MCC: variants seen among roughly 807,000 people sequenced by gnomAD.
The protein encoded by MCC is colorectal mutant cancer protein.
Under a neutral mutation model 116.2 loss-of-function variants are expected in MCC, and 90 were observed. The observed-to-expected ratio is 0.77, with a 90% CI of 0.65 to 0.92. The LOEUF (loss-of-function observed/expected upper bound fraction) is 0.92, where lower values mean the gene tolerates loss of function less well. Ranked by LOEUF, MCC falls within the 40% of genes least tolerant of loss-of-function variation. The pLI is 0.00. For missense variants in MCC, 1,516 were observed against 1,312.2 expected, an observed-to-expected ratio of 1.16 and a Z score of -2.40; for synonymous variants, 578 against 510.5, an observed-to-expected ratio of 1.13 and a Z score of -1.78.
At chr5:113,232,765 T>G (rs1296435550) in intron 3 of MCC, among the ~76,000 whole-genome samples, 1 of 152,164 alleles carries the variant, frequency 6.6e-6, no homozygotes, top group African/African-American at 2.4e-5. Context: ...TACGGATCTT[T>G]AGAAAAACCC....
At chr5:113,079,975 AT>A (rs1561788981) in intron 11 of MCC, among the ~76,000 whole-genome samples, 1 of 152,238 alleles carries the variant, frequency 6.6e-6, no homozygotes, top group African/African-American at 2.4e-5. Context: ...AAACAACCCC[AT>A]CAAAAAGTGG....
chr5:113,258,084 T>C (rs755657797), intron 3 of MCC, among the ~76,000 whole-genome samples: 9 of 152,088 alleles, frequency 5.9e-5, no homozygotes, highest in Non-Finnish European at 1.3e-4. Context: ...CAAATAAACA[T>C]TGTGAATGAG....
At chr5:113,311,027 GA>G (rs1767123720) in intron 3 of MCC, among the ~76,000 whole-genome samples, 2 of 152,364 alleles carry the variant, frequency 1.3e-5, no homozygotes, top group African/African-American at 4.8e-5. Context: ...TACTTTGAGA[GA>G]CAGAGAAGTG....
At chr5:113,202,064 C>A (rs1356780461) in intron 3 of MCC, among the ~76,000 whole-genome samples, 2 of 152,196 alleles carry the variant, frequency 1.3e-5, no homozygotes, top group Non-Finnish European at 2.9e-5. Context: ...CACAGGCTTT[C>A]CTCCTTCCCT....
intron 3 of MCC, among the ~76,000 whole-genome samples, chr5:113,214,091 G>T (rs1406404048): frequency 6.6e-6 from 1 of 152,014 alleles, no homozygotes; most frequent in African/African-American, 2.4e-5. Context: ...CCATATTCCG[G>T]ACTTAAAATA....
chr5:113,120,643 TAGG>T (rs1021144993), intron 6 of MCC, among the ~76,000 whole-genome samples: 6 of 152,206 alleles, frequency 3.9e-5, no homozygotes, highest in African/African-American at 1.4e-4. Context: ...GAAGATATAC[TAGG>T]AGATGAAACA....
Position 113,112,563 on chromosome 5 carries a change from T to A in MCC, c.1028-8208A>T, listed in dbSNP as rs149482047. ...CTGTGAATCAATTAAACCTCTTTTT[T>A]AAATAAATTACCCAATCTCAGGTAG... is the stretch of plus-strand genomic sequence containing the variant. On this transcript the variant is annotated intron_variant, in intron 6 of 18. Coordinates refer to ENST00000408903, the MANE Select transcript of MCC (RefSeq NM_001085377.2). Among the ~76,000 whole-genome samples, 931 of 152,352 alleles carry A rather than the reference T, an allele frequency of 6.1e-3. 14 individuals carry two copies. The highest frequency in any genetic ancestry group is 0.022 in the African/African-American group (901 of 41,584).
At chr5:113,322,279 C>G (rs1767439621) in intron 3 of MCC, among the ~76,000 whole-genome samples, 1 of 152,148 alleles carries the variant, frequency 6.6e-6, no homozygotes, top group Admixed American at 6.5e-5. Flanking sequence ...AAATATGTAA[C>G]CATTGCAGTT....
chr5:113,173,765 T>C (rs1258425275), intron 3 of MCC, among the ~76,000 whole-genome samples: 3 of 152,346 alleles, frequency 2.0e-5, no homozygotes, highest in Middle Eastern at 3.4e-3. Context: ...CTAGAATGAA[T>C]GAAATCAAAG....
At position 113,043,678 on chromosome 5, in the gene MCC, G is replaced by C. The variant is rs373530276; in HGVS notation, c.2656-48C>G. ...AGTTAGGCCTGAATCCAAGCCGGCA[G>C]CACCCTGGAAGCCTGCAGCAGAGCG... On this transcript the variant is annotated intron_variant, in intron 16 of 18. Transcript: ENST00000408903. The C allele has an allele frequency of 2.8e-6, 4 of 1,420,270 alleles. No individual in the cohort carries two copies. In the African/African-American group the frequency reaches 5.6e-5, roughly 20 times the overall value. The allele number at this position is 1,420,270 out of a possible 1,614,324, so 88.0% of individuals were successfully genotyped here.
intron 1 of MCC, among the ~76,000 whole-genome samples, chr5:113,459,851 C>CACAT (rs1437926990): frequency 6.6e-6 from 1 of 151,916 alleles, no homozygotes; most frequent in Non-Finnish European, 1.5e-5. Flanking sequence ...CACACACACA[C>CACAT]ACACACAGGC....
Position 113,029,007 on chromosome 5 carries a change from T to C in MCC, c.2806A>G (p.Arg936Gly), listed in dbSNP as rs1223493394. The change falls in exon 18 of 19, where the codon AGA becomes GGA. Residue 936 changes from arginine to glycine, a missense_variant. Physicochemically the swap from Arg to Gly is moderately radical, Grantham distance 125. Coordinates refer to ENST00000408903, the MANE Select transcript of MCC (RefSeq NM_001085377.2). Reference protein sequence around the residue: ...RVQELVSALERLTKSSEIRHQ... With the variant: ...RVQELVSALEGLTKSSEIRHQ... ...CGGATTTCACTGCTCTTGGTGAGTC[T>C]CTCCAAGGCACTCACCAGCTCTTGA... is the stretch of plus-strand genomic sequence containing the variant. 1 of 1,613,752 alleles carries C rather than the reference T, an allele frequency of 6.2e-7. No homozygotes were observed. The highest frequency in any genetic ancestry group is 8.5e-7 in the Non-Finnish European group (1 of 1,179,776).
At chr5:113,373,036 G>T (rs989796941) in intron 2 of MCC, among the ~76,000 whole-genome samples, 3 of 151,950 alleles carry the variant, frequency 2.0e-5, no homozygotes, top group African/African-American at 7.2e-5. Flanking sequence ...AAAATTAGCC[G>T]GGCATGGTGG....
intron 1 of MCC, among the ~76,000 whole-genome samples, chr5:113,394,784 T>C (rs1029603775): frequency 1.3e-5 from 2 of 152,236 alleles, no homozygotes; most frequent in African/African-American, 4.8e-5. Flanking sequence ...CCCCACTCTA[T>C]AGTAATGACT....
intron 3 of MCC, chr5:113,203,136 G>C (rs1222869878): frequency 6.6e-6 from 1 of 152,210 alleles, no homozygotes; most frequent in Admixed American, 6.5e-5. Context: ...ATTTCAGCCA[G>C]GGCTCCCTCT....
intron 1 of MCC, among the ~76,000 whole-genome samples, chr5:113,477,932 C>T (rs1561592898): frequency 2.0e-5 from 3 of 152,078 alleles, no homozygotes; most frequent in South Asian, 2.1e-4. Flanking sequence ...AGTTCCATAA[C>T]CATGAGAAAA....
At chr5:113,107,214 T>TC (rs1206359702) in intron 6 of MCC, among the ~76,000 whole-genome samples, 9 of 129,258 alleles carry the variant, frequency 7.0e-5, no homozygotes, top group African/African-American at 1.2e-4. Flanking sequence ...TTTTCTTTTT[T>TC]TTTTTTCTTT....
intron 3 of MCC, among the ~76,000 whole-genome samples, chr5:113,275,398 ATTAT>A (rs1377370761): frequency 1.3e-5 from 2 of 152,230 alleles, no homozygotes; most frequent in Non-Finnish European, 2.9e-5. Flanking sequence ...TAATTTTGTC[ATTAT>A]TTATAGGAAG....
intron 1 of MCC, among the ~76,000 whole-genome samples, chr5:113,469,700 A>C (rs925484973): frequency 4.6e-5 from 7 of 152,050 alleles, no homozygotes; most frequent in African/African-American, 1.7e-4. Flanking sequence ...CTATTAGGTC[A>C]CTTGGTGCAG....
Sources: allele counts gnomAD v4.1 joint callset (sites outside exome capture counted in the v4.1 genomes callset), GRCh38; gene constraint gnomAD v4.1.1; transcripts MANE v1.5; gene names NCBI Gene and HGNC (gene_info 2026-07-23, HGNC 2026-07-21).